MACROD2: variants seen among roughly 807,000 people sequenced by gnomAD.
MACROD2 encodes mono-ADP ribosylhydrolase 2.
In MACROD2, 36 loss-of-function variants were observed where a neutral mutation model predicts 70.4. That is an observed-to-expected ratio of 0.51 (90% CI 0.39 to 0.68). MACROD2 has a LOEUF of 0.68. Ranked by LOEUF, MACROD2 falls within the 30% of genes least tolerant of loss-of-function variation. The pLI, the probability that MACROD2 is intolerant of heterozygous loss-of-function variation, is 0.00. For synonymous variants in MACROD2, 172 were observed against 178.8 expected, an observed-to-expected ratio of 0.96 and a Z score of 0.30; for missense variants, 496 against 538.4, an observed-to-expected ratio of 0.92 and a Z score of 0.78.
At chr20:15,237,350 G>T (rs1483544336) in intron 6 of MACROD2, among the ~76,000 whole-genome samples, 2 of 152,126 alleles carry the variant, frequency 1.3e-5, no homozygotes, top group East Asian at 1.9e-4. Context: ...CACATTTAGA[G>T]AATTTTTTTT....
chr20:14,190,987 G>A (rs1257829974), intron 3 of MACROD2, among the ~76,000 whole-genome samples: 10 of 151,872 alleles, frequency 6.6e-5, no homozygotes, highest in Admixed American at 4.6e-4. Context: ...GATTACAGGC[G>A]TGAGCCACCG....
intron 4 of MACROD2, among the ~76,000 whole-genome samples, chr20:14,619,399 G>T (rs548612938): frequency 1.2e-3 from 23 of 19,600 alleles, no homozygotes; most frequent in Non-Finnish European, 2.4e-3. Context: ...AAGGAGGGGG[G>T]AGGAAGGAAG....
chr20:15,095,928 T>A (rs978317419), intron 5 of MACROD2, among the ~76,000 whole-genome samples: 2 of 151,550 alleles, frequency 1.3e-5, no homozygotes, highest in African/African-American at 4.9e-5. Flanking sequence ...TAAAATAGAT[T>A]TAGAAAACAA....
intron 4 of MACROD2, among the ~76,000 whole-genome samples, chr20:14,606,826 A>G (rs1329439522): frequency 6.6e-6 from 1 of 152,032 alleles, no homozygotes; most frequent in Non-Finnish European, 1.5e-5. Flanking sequence ...ACTTCATTTC[A>G]TGGTATTATC....
chr20:14,494,866 T>C (rs2084836226), intron 4 of MACROD2, among the ~76,000 whole-genome samples: 1 of 152,190 alleles, frequency 6.6e-6, no homozygotes, highest in African/African-American at 2.4e-5. Flanking sequence ...TTTCTCTCTG[T>C]CTCTTGTAAT....
At chr20:15,603,468 A>G (rs1160099373) in intron 8 of MACROD2, among the ~76,000 whole-genome samples, 1 of 149,576 alleles carries the variant, frequency 6.7e-6, no homozygotes, top group African/African-American at 2.5e-5. Flanking sequence ...AGATTGTGCC[A>G]CTTCACTCTA....
intron 5 of MACROD2, among the ~76,000 whole-genome samples, chr20:14,835,644 T>A (rs2073021263): frequency 6.6e-6 from 1 of 152,076 alleles, no homozygotes. Context: ...TTGAGGTCAA[T>A]GTATCATTGA....
At chr20:15,783,094 G>T (rs1329645086) in intron 8 of MACROD2, among the ~76,000 whole-genome samples, 1 of 151,922 alleles carries the variant, frequency 6.6e-6, no homozygotes, top group Non-Finnish European at 1.5e-5. Flanking sequence ...TACTGGTTAT[G>T]CATATGTATG....
intron 3 of MACROD2, among the ~76,000 whole-genome samples, chr20:14,282,562 A>G (rs563326456): frequency 7.2e-5 from 11 of 152,232 alleles, no homozygotes; most frequent in Non-Finnish European, 1.3e-4. Flanking sequence ...AAAGGCTTGT[A>G]TTCGGCCATT....
At chr20:15,146,627 A>T (rs559208964) in intron 5 of MACROD2, among the ~76,000 whole-genome samples, 1 of 152,290 alleles carries the variant, frequency 6.6e-6, no homozygotes, top group East Asian at 1.9e-4. Context: ...GATTTCATCA[A>T]AGAAGTCTTT....
chr20:15,532,939 A>C (rs1759229035), intron 8 of MACROD2, among the ~76,000 whole-genome samples: 1 of 152,158 alleles, frequency 6.6e-6, no homozygotes, highest in Non-Finnish European at 1.5e-5. Flanking sequence ...TTCAGCTTCA[A>C]GTTCCTGGAC....
intron 6 of MACROD2, among the ~76,000 whole-genome samples, chr20:15,265,781 A>T (rs1054935192): frequency 4.6e-5 from 7 of 152,198 alleles, no homozygotes; most frequent in African/African-American, 1.7e-4. Context: ...TTAGGTTGCT[A>T]TGTTAACCAA....
chr20:14,931,779 C>T (rs992483537), intron 5 of MACROD2, among the ~76,000 whole-genome samples: 7 of 151,528 alleles, frequency 4.6e-5, no homozygotes, highest in Admixed American at 3.9e-4. Context: ...GGGAAGATCG[C>T]TTGAGGCTAT....
chr20:15,099,406 C>T (rs758407137), intron 5 of MACROD2, among the ~76,000 whole-genome samples: 1 of 152,146 alleles, frequency 6.6e-6, no homozygotes, highest in Non-Finnish European at 1.5e-5. Flanking sequence ...TCTCCACACA[C>T]CTGCAACAAG....
intron 7 of MACROD2, among the ~76,000 whole-genome samples, chr20:15,471,025 A>G (rs1278666942): frequency 6.6e-6 from 1 of 152,082 alleles, no homozygotes; most frequent in Non-Finnish European, 1.5e-5. Context: ...CTTGGATCCT[A>G]TGGTTGATTA....
At chr20:16,009,242 A>G (rs375622908) in intron 15 of MACROD2, among the ~76,000 whole-genome samples, 14 of 152,304 alleles carry the variant, frequency 9.2e-5, no homozygotes, top group African/African-American at 3.4e-4. Flanking sequence ...CAAAGAGTAA[A>G]TGTTGCAGCA....
intron 5 of MACROD2, among the ~76,000 whole-genome samples, chr20:14,870,765 A>C (rs528218800): frequency 6.6e-6 from 1 of 152,034 alleles, no homozygotes; most frequent in African/African-American, 2.4e-5. Flanking sequence ...GTGTCTGTTC[A>C]TGTCCTTGCC....
intron 5 of MACROD2, among the ~76,000 whole-genome samples, chr20:14,922,527 G>GC (rs2074176347): frequency 6.6e-6 from 1 of 152,130 alleles, no homozygotes; most frequent in South Asian, 2.1e-4. Flanking sequence ...TCTGGATGCT[G>GC]CTAAAATATA....
At chr20:14,454,907 C>A (rs2084284177) in intron 3 of MACROD2, among the ~76,000 whole-genome samples, 1 of 151,994 alleles carries the variant, frequency 6.6e-6, no homozygotes, top group African/African-American at 2.4e-5. Context: ...TGCCCACCAC[C>A]ACGCCTGGCT....
Sources: gnomAD v4.1 joint callset for allele counts (sites outside exome capture counted in the v4.1 genomes callset) on GRCh38, gnomAD v4.1.1 for gene constraint, MANE v1.5 for transcripts, NCBI Gene and HGNC (gene_info 2026-07-23, HGNC 2026-07-21) for gene names.